MRRF: variants seen among roughly 807,000 people sequenced by gnomAD.
MRRF encodes ribosome-recycling factor, mitochondrial.
Under a neutral mutation model 25.1 loss-of-function variants are expected in MRRF, and 18 were observed. The ratio of observed to expected loss-of-function variants is 0.72; its 90% CI spans 0.50 to 1.06. MRRF has a LOEUF of 1.06. MRRF is among the 50% of genes least tolerant of loss of function. The probability of loss-of-function intolerance (pLI) is 0.00; values close to 1 mark genes in which losing one functional copy is unlikely to be tolerated. For synonymous variants in MRRF, 113 were observed against 112.1 expected (o/e 1.01, Z -0.05); for missense variants, 323 against 319.3 (o/e 1.01, Z -0.09).
chr9:122,275,801 CACAA>C (rs1832735768), intron 2 of MRRF, among the ~76,000 whole-genome samples: 1 of 152,202 alleles, frequency 6.6e-6, no homozygotes, highest in Admixed American at 6.5e-5. Context: ...CCACTTTATA[CACAA>C]ACACACACAC....
rs1162757548 is a variant in MRRF at position 122,319,132 on chromosome 9, C to CTTCT, written c.712-3393_712-3390dup. Among the ~76,000 whole-genome samples the CTTCT allele has an allele frequency of 1.1e-3, 168 of 148,512 alleles. 2 individuals carry two copies. The highest frequency in any genetic ancestry group is 7.0e-3 in the Middle Eastern group (2 of 286). On this transcript the variant is annotated intron_variant, in intron 6 of 6. Coordinates refer to ENST00000344641, the MANE Select transcript of MRRF (RefSeq NM_138777.5). ...TTCTTGGCTCAGCCACACCACTGAA[C>CTTCT]TTCTTTCTTTCTTTCTTTTTTTTTT...
chr9:122,305,534 ACT>A (rs1243951753), intron 5 of MRRF, among the ~76,000 whole-genome samples: 1 of 152,160 alleles, frequency 6.6e-6, no homozygotes, highest in African/African-American at 2.4e-5. Context: ...ATGAAGATTT[ACT>A]GAGCTAATGC....
chr9:122,319,914 G>C (rs987077453), intron 6 of MRRF, among the ~76,000 whole-genome samples: 1 of 115,346 alleles, frequency 8.7e-6, no homozygotes, highest in Non-Finnish European at 1.7e-5. Context: ...AGTCTCTGTT[G>C]CCCAGGTTGG....
In MRRF at chr9:122,322,850, G is replaced by A. The variant is rs1835970852; in HGVS notation, c.*233G>A. 2 of 603,876 alleles carry A rather than the reference G, an allele frequency of 3.3e-6. No homozygotes were observed. The highest frequency in any genetic ancestry group is 6.0e-6 in the Non-Finnish European group (2 of 335,784). The allele number at this position is 603,876 out of a possible 1,614,324, so 37.4% of individuals were successfully genotyped here. ...CAGAAAATACTTGCTGCTGGCAAAA[G>A]GCCTGTACTCAGGCATTTGCTTTGA... On this transcript the variant is annotated 3_prime_UTR_variant, in exon 7 of 7. Coordinates refer to ENST00000344641, the MANE Select transcript of MRRF (RefSeq NM_138777.5).
intron 5 of MRRF, among the ~76,000 whole-genome samples, chr9:122,307,185 G>A (rs1438752537): frequency 1.3e-5 from 2 of 152,230 alleles, no homozygotes; most frequent in Admixed American, 6.5e-5. Context: ...AAACAGTGAA[G>A]CAGGAACGTG....
chr9:122,324,735 A>T lies in MRRF; in HGVS notation c.*2118A>T, dbSNP rs2119036748. On this transcript the variant is annotated 3_prime_UTR_variant, in exon 7 of 7. Transcript: ENST00000344641. ...CTCTTTGCTCTTTGACTTCCTCCAG[A>T]TTCTCTCCTGTGCTGGAGGTAATAA... 6.6e-6 allele frequency: 1 copy of T among 152,290 alleles called. No homozygotes were observed. Among genetic ancestry groups the T allele is most frequent in the South Asian group, 2.1e-4 (1 of 4,824 alleles). 9.4% of individuals were successfully genotyped at this position (152,290 alleles called of 1,614,324 possible).
chr9:122,316,616 G>T (rs1456328551), intron 6 of MRRF, among the ~76,000 whole-genome samples: 2 of 152,094 alleles, frequency 1.3e-5, no homozygotes, highest in Non-Finnish European at 2.9e-5. Context: ...GTGTGTGTGT[G>T]TGTGTACGTG....
At position 122,313,377 on chromosome 9, in the gene MRRF, A is replaced by G; in HGVS notation, c.702A>G (p.Ile234Met). The change falls in exon 6 of 7, where the codon ATA becomes ATG. Residue 234 changes from isoleucine to methionine, a missense_variant. Ile to Met is a conservative substitution (Grantham distance 10). Coordinates refer to ENST00000344641, the MANE Select transcript of MRRF (RefSeq NM_138777.5). ...DTVSEDTIRLIEKQISQMADD... is the reference protein window; with the variant it reads ...DTVSEDTIRLMEKQISQMADD... ...TCTCAGAGGACACCATTAGGCTAAT[A>G]GAGAAACAGGTACTATTGCCAGCAA... 6.2e-7 allele frequency: 1 copy of G among 1,614,082 alleles called. No individual in the cohort carries two copies. The highest frequency in any genetic ancestry group is 8.5e-7 in the Non-Finnish European group (1 of 1,179,904).
intron 1 of MRRF, chr9:122,265,831 T>C: frequency 9.1e-7 from 1 of 1,103,148 alleles, no homozygotes; most frequent in Non-Finnish European, 1.2e-6. Flanking sequence ...AAGCCCTTTC[T>C]CTACCTGTTA....
At chr9:122,306,951 C>T (rs1430429890) in intron 5 of MRRF, among the ~76,000 whole-genome samples, 1 of 152,154 alleles carries the variant, frequency 6.6e-6, no homozygotes, top group Non-Finnish European at 1.5e-5. Context: ...ACCAAAATTA[C>T]TACTGGTATT....
intron 4 of MRRF, chr9:122,285,753 A>G (rs1393948025): frequency 9.6e-6 from 12 of 1,255,678 alleles, no homozygotes; most frequent in African/African-American, 1.6e-5. Context: ...GTAAATGTTG[A>G]TGACTAATTG....
intron 5 of MRRF, among the ~76,000 whole-genome samples, chr9:122,310,664 G>T (rs1490226115): frequency 1.3e-5 from 2 of 152,194 alleles, no homozygotes; most frequent in African/African-American, 2.4e-5. Flanking sequence ...GGTGGGCCAG[G>T]TCTGCCTCTT....
At chr9:122,293,688 A>G (rs1311302272) in intron 5 of MRRF, among the ~76,000 whole-genome samples, 1 of 152,196 alleles carries the variant, frequency 6.6e-6, no homozygotes, top group Non-Finnish European at 1.5e-5. Context: ...TTGTTTGGCA[A>G]GTTCATTGAT....
intron 4 of MRRF, among the ~76,000 whole-genome samples, chr9:122,286,577 A>G (rs1833420587): frequency 6.6e-6 from 1 of 152,106 alleles, no homozygotes; most frequent in Non-Finnish European, 1.5e-5. Context: ...GTGAGGTGTG[A>G]TGGCACACAC....
intron 6 of MRRF, among the ~76,000 whole-genome samples, chr9:122,318,792 T>C (rs567701375): frequency 6.6e-6 from 1 of 152,352 alleles, no homozygotes; most frequent in Admixed American, 6.5e-5. Context: ...ACTTCTTAGC[T>C]GTTAATGTCA....
At chr9:122,270,719 A>G in intron 1 of MRRF, 145 bp from the exon 2 acceptor site, 1 of 668,006 alleles carries the variant, frequency 1.5e-6, no homozygotes, top group South Asian at 1.6e-5. Flanking sequence ...CTGTTGGGAA[A>G]AGGATTAGAG....
intron 2 of MRRF, among the ~76,000 whole-genome samples, chr9:122,276,032 C>G (rs964641874): frequency 6.6e-6 from 1 of 152,068 alleles, no homozygotes; most frequent in Non-Finnish European, 1.5e-5. Context: ...CTCAGCCTCC[C>G]AAGTAGCTGG....
At chr9:122,281,650 T>A (rs2118697725) in intron 3 of MRRF, among the ~76,000 whole-genome samples, 1 of 152,344 alleles carries the variant, frequency 6.6e-6, no homozygotes, top group Admixed American at 6.5e-5. Flanking sequence ...GATAAAGTGC[T>A]CTGTCTCCCC....
intron 5 of MRRF, among the ~76,000 whole-genome samples, chr9:122,307,987 C>T (rs376297075): frequency 2.6e-5 from 4 of 152,244 alleles, no homozygotes; most frequent in African/African-American, 9.6e-5. Context: ...CAGTGGGATT[C>T]TCTGTTGTGT....
Sources: gnomAD v4.1 joint callset for allele counts (sites outside exome capture counted in the v4.1 genomes callset) on GRCh38, gnomAD v4.1.1 for gene constraint, MANE v1.5 for transcripts, NCBI Gene and HGNC (gene_info 2026-07-23, HGNC 2026-07-21) for gene names.